Variants in XRN1 observed in about 807,000 individuals in gnomAD.
XRN1 encodes 5'-3' exoribonuclease 1, also known as strand-exchange protein 1 homolog.
A neutral mutation model predicts 222.3 loss-of-function variants in XRN1; 67 were observed. That is an observed-to-expected ratio of 0.30 (90% CI 0.25 to 0.37). The LOEUF (loss-of-function observed/expected upper bound fraction) is 0.37. Among genes scored for constraint, XRN1 ranks in the 10% least tolerant of loss-of-function variants. The pLI, the probability that XRN1 is intolerant of heterozygous loss-of-function variation, is 1.00. For missense variants in XRN1, 1,707 were observed against 2,000.2 expected (o/e 0.85, Z 2.80); for synonymous variants, 643 against 652.4 (o/e 0.99, Z 0.22).
At chr3:142,333,143 C>T in intron 34 of XRN1, 54 bp from the exon 35 acceptor site, 1 of 1,548,792 alleles carries the variant, frequency 6.5e-7, no homozygotes, top group Non-Finnish European at 8.7e-7. Context: ...CAAGAACACA[C>T]AAAAAGCTGA....
In XRN1 at chr3:142,422,593, G is replaced by A; in HGVS notation, c.956C>T (p.Pro319Leu). ...LLYGTYVTIL[P>L]ELGGYINESG... ...TAAATTCTTCTTACCCCCAAGTTCT[G>A]GCAGGATGGTAACATATGTTCCATA... is the stretch of plus-strand genomic sequence containing the variant. The change falls in exon 8 of 41, where the codon CCA becomes CTA. Residue 319 changes from proline to leucine, a missense_variant. Around this residue, in one of 2 missense-constraint regions of XRN1, gnomAD observed 1,234 missense variants for 1,518.2 expected, o/e 0.81. Coordinates refer to ENST00000392981, the MANE Select transcript of XRN1 (RefSeq NM_001282857.2). 2 of 1,613,132 alleles carry A rather than the reference G, an allele frequency of 1.2e-6. No individual in the cohort carries two copies. The highest frequency in any genetic ancestry group is 1.7e-6 in the Non-Finnish European group (2 of 1,179,662).
At chr3:142,417,530 T>C (rs891303369) in intron 12 of XRN1, among the ~76,000 whole-genome samples, 117 of 152,198 alleles carry the variant, frequency 7.7e-4, no homozygotes, top group African/African-American at 2.6e-3. Flanking sequence ...AAGCTTTCCA[T>C]AGTGACACTA....
intron 22 of XRN1, 131 bp downstream of exon 22, chr3:142,383,169 A>G (rs1312906347): frequency 1.9e-5 from 14 of 739,088 alleles, no homozygotes; most frequent in Non-Finnish European, 2.7e-5. Flanking sequence ...CACTGTGTTC[A>G]TAAGTTACAT....
Position 142,418,558 on chromosome 3 carries a change from C to G in XRN1, c.1292G>C (p.Arg431Thr). Reference sequence around the variant, plus strand: ...CATGTAATATGTTCTTTTATATTGTCTAAACTCAGTTTCAAATAGGTCATC... The same window carrying G: ...CATGTAATATGTTCTTTTATATTGTGTAAACTCAGTTTCAAATAGGTCATC... Reference protein sequence around the residue: ...EDDDLFETEFRQYKRTYYMTK... With the variant: ...EDDDLFETEFTQYKRTYYMTK... Residue 431 changes from arginine (R) to threonine (T), a missense_variant, in exon 12 of 41, where the codon AGA becomes ACA. Coordinates refer to ENST00000392981, the MANE Select transcript of XRN1 (RefSeq NM_001282857.2). 1 of 1,611,440 alleles carries G rather than the reference C, an allele frequency of 6.2e-7. No homozygotes were observed. The highest frequency in any genetic ancestry group is 1.1e-5 in the South Asian group (1 of 90,062).
intron 9 of XRN1, 42 bp from the exon 10 acceptor site, chr3:142,421,195 A>C (rs774342509): frequency 1.4e-6 from 2 of 1,475,738 alleles, no homozygotes; most frequent in South Asian, 2.8e-5. Context: ...TAATTTAAGT[A>C]TATCTAGAAG....
chr3:142,430,419 T>A (rs773787652), intron 2 of XRN1, among the ~76,000 whole-genome samples: 6 of 151,984 alleles, frequency 3.9e-5, no homozygotes, highest in Non-Finnish European at 8.8e-5. Context: ...ACCAGGGGAG[T>A]ATGGTAAAAA....
At chr3:142,381,755 T>C (rs959564628) in intron 22 of XRN1, among the ~76,000 whole-genome samples, 2 of 151,852 alleles carry the variant, frequency 1.3e-5, no homozygotes, top group African/African-American at 4.8e-5. Context: ...TTAGCAGAGA[T>C]GAGGTTTCGC....
chr3:142,375,671 A>G (rs1274868118), intron 25 of XRN1, 127 bp downstream of exon 25: 2 of 911,842 alleles, frequency 2.2e-6, no homozygotes, highest in Non-Finnish European at 3.1e-6. Flanking sequence ...AATTAAGTTT[A>G]CATGTAACAT....
At chr3:142,312,553 T>C in intron 40 of XRN1, 45 bp downstream of exon 40, 1 of 1,452,684 alleles carries the variant, frequency 6.9e-7, no homozygotes, top group Non-Finnish European at 9.1e-7. Context: ...CAATAGTCTT[T>C]CAGCATTAAA....
chr3:142,414,376 C>T (rs11714528), intron 13 of XRN1, 85 bp from the exon 14 acceptor site: 129,754 of 1,042,248 alleles, frequency 0.12, 8,306 homozygotes, highest in Non-Finnish European at 0.13. Flanking sequence ...CATATTTTAA[C>T]AACATATAAA....
intron 25 of XRN1, among the ~76,000 whole-genome samples, chr3:142,374,642 A>C (rs1436217613): frequency 6.6e-6 from 1 of 152,204 alleles, no homozygotes; most frequent in Non-Finnish European, 1.5e-5. Flanking sequence ...GCTGAAGCTC[A>C]GGATAGGAAA....
chr3:142,357,134 T>C lies in XRN1; in HGVS notation c.3465-15A>G, dbSNP rs1413254521. ...CAGGTGAGCATCTAAAAGTAAAAGT[T>C]ATATCAGGGTTGGAAGGAAAACAAT... On this transcript the variant is annotated splice_polypyrimidine_tract_variant and intron_variant, in intron 30 of 40. Coordinates refer to ENST00000392981, the MANE Select transcript of XRN1 (RefSeq NM_001282857.2). 6.3e-7 allele frequency: 1 copy of C among 1,589,648 alleles called. No homozygotes were observed. The highest frequency in any genetic ancestry group is 1.8e-5 in the Admixed American group (1 of 55,968).
At chr3:142,415,985 G>A (rs917424534) in intron 13 of XRN1, among the ~76,000 whole-genome samples, 1 of 152,112 alleles carries the variant, frequency 6.6e-6, no homozygotes, top group Non-Finnish European at 1.5e-5. Flanking sequence ...GGGAGGCTGA[G>A]GTATGATAAT....
chr3:142,430,396 T>C lies in XRN1; in HGVS notation c.308+2265A>G, dbSNP rs147268152. Among the ~76,000 whole-genome samples the C allele has an allele frequency of 6.4e-4, 97 of 152,292 alleles. 1 individual carries two copies. In the East Asian group the frequency reaches 0.016, roughly 25 times the overall value. Reference sequence around the variant, plus strand: ...TTCTAGGCTAGTGGCTCCCAAAAACTACTTTAACAAATACCAGGGGAGTAT... The same window carrying C: ...TTCTAGGCTAGTGGCTCCCAAAAACCACTTTAACAAATACCAGGGGAGTAT... On this transcript the variant is annotated intron_variant, in intron 2 of 40. Coordinates refer to ENST00000392981, the MANE Select transcript of XRN1 (RefSeq NM_001282857.2).
Position 142,447,236 on chromosome 3 carries a change from A to G in XRN1, c.75+634T>C, listed in dbSNP as rs947786599. 1.3e-5 allele frequency among the ~76,000 whole-genome samples: 2 copies of G among 152,170 alleles called. No homozygotes were observed. The highest frequency in any genetic ancestry group is 4.8e-5 in the African/African-American group (2 of 41,438). On this transcript the variant is annotated intron_variant, in intron 1 of 40. Transcript: ENST00000392981. The surrounding 1 kb of genome is among the most constrained non-coding windows in gnomAD (Gnocchi z 4.2). The stretch of plus-strand genomic sequence containing the variant: ...CTCTGTCACACAGTGAGGCCTCCAA[A>G]TAAAAGGTCCTACGCCCCACTCCCC...
intron 29 of XRN1, among the ~76,000 whole-genome samples, chr3:142,361,038 G>A (rs2066614517): frequency 6.6e-6 from 1 of 152,132 alleles, no homozygotes; most frequent in Non-Finnish European, 1.5e-5. Flanking sequence ...AACTTTCCAT[G>A]TCCTTTTGTA....
intron 22 of XRN1, among the ~76,000 whole-genome samples, chr3:142,381,787 G>A (rs1437139404): frequency 6.6e-6 from 1 of 151,694 alleles, no homozygotes; most frequent in African/African-American, 2.4e-5. Context: ...GCCTGGTCTC[G>A]AACTCCTGGC....
chr3:142,312,478 T>A (rs888267368), intron 40 of XRN1, 120 bp downstream of exon 40: 2 of 994,272 alleles, frequency 2.0e-6, no homozygotes, highest in Non-Finnish European at 2.8e-6. Flanking sequence ...GCCTTCTTAC[T>A]ACCCACACTA....
At chr3:142,411,665 TTTTTC>T (rs2068586421) in intron 15 of XRN1, among the ~76,000 whole-genome samples, 1 of 152,108 alleles carries the variant, frequency 6.6e-6, no homozygotes, top group Non-Finnish European at 1.5e-5. Flanking sequence ...TATTTTCTAA[TTTTTC>T]TTTTAATTTC....
Sources: allele counts gnomAD v4.1 joint callset (sites outside exome capture counted in the v4.1 genomes callset), GRCh38; gene constraint gnomAD v4.1.1; regional missense constraint gnomAD v4.1.1; non-coding constraint Gnocchi (gnomAD v3.1); transcripts MANE v1.5; gene names NCBI Gene and HGNC (gene_info 2026-07-23, HGNC 2026-07-21).